The following LRRC37A2 variants were observed in gnomAD, a reference collection of about 807,000 sequenced individuals.
The protein encoded by LRRC37A2 is leucine rich repeat containing 37 member A2.
Under a neutral mutation model 68.8 loss-of-function variants are expected in LRRC37A2, and 9 were observed. The ratio of observed to expected loss-of-function variants is 0.13; its 90% CI spans 0.08 to 0.23. The LOEUF (loss-of-function observed/expected upper bound fraction) is 0.23, where lower values mean the gene tolerates loss of function less well. Among genes scored for constraint, LRRC37A2 ranks in the 10% least tolerant of loss-of-function variants. The probability of loss-of-function intolerance (pLI) is 1.00; values close to 1 mark genes in which losing one functional copy is unlikely to be tolerated. For synonymous variants in LRRC37A2, 63 were observed against 367.6 expected (o/e 0.17, Z 9.48); for missense variants, 168 against 950.4 (o/e 0.18, Z 10.82).
the LRRC37A2 span, among the ~76,000 whole-genome samples, chr17:46,764,944 C>T: frequency 2.6e-5 from 4 of 152,338 alleles, no homozygotes; most frequent in East Asian, 3.9e-4. Context: ...GGTGCCTGGC[C>T]GAGGGCCCAG....
At chr17:46,925,832 A>C in the LRRC37A2 span, among the ~76,000 whole-genome samples, 1 of 152,206 alleles carries the variant, frequency 6.6e-6, no homozygotes, top group Non-Finnish European at 1.5e-5. Context: ...TCCTGAACCT[A>C]CCTGAACAAT....
At chr17:46,872,909 C>T in the LRRC37A2 span, 1 of 1,108,248 alleles carries the variant, frequency 9.0e-7, no homozygotes, top group Non-Finnish European at 1.2e-6. Context: ...CTAGCACGGT[C>T]CCAAATGAGA....
the LRRC37A2 span, among the ~76,000 whole-genome samples, chr17:46,990,790 C>A: frequency 1.3e-5 from 2 of 152,096 alleles, no homozygotes; most frequent in Non-Finnish European, 1.5e-5. Context: ...CATGCCTCAG[C>A]CTCCCAAGAA....
the LRRC37A2 span, among the ~76,000 whole-genome samples, chr17:46,743,035 C>T: frequency 5.3e-5 from 8 of 152,198 alleles, no homozygotes; most frequent in East Asian, 1.9e-4. Flanking sequence ...TGAGGCCCCA[C>T]GCTGCCATGA....
chr17:46,820,678 C>T, the LRRC37A2 span, among the ~76,000 whole-genome samples: 1 of 152,142 alleles, frequency 6.6e-6, no homozygotes, highest in African/African-American at 2.4e-5. Flanking sequence ...AGCCTCAGGA[C>T]CAAGGCTCTG....
chr17:46,895,688 C>G, the LRRC37A2 span, among the ~76,000 whole-genome samples: 8 of 152,368 alleles, frequency 5.3e-5, no homozygotes, highest in Non-Finnish European at 1.2e-4. Context: ...CCAGTCCTCA[C>G]AGCAACGTTG....
the LRRC37A2 span, chr17:46,938,639 G>A: frequency 6.2e-7 from 1 of 1,614,006 alleles, no homozygotes; most frequent in Non-Finnish European, 8.5e-7. Flanking sequence ...AACATGCTGG[G>A]CTTGTCCAAC....
chr17:46,764,833 C>G, the LRRC37A2 span, among the ~76,000 whole-genome samples: 3 of 152,152 alleles, frequency 2.0e-5, no homozygotes, highest in Non-Finnish European at 2.9e-5. Flanking sequence ...GTAAGGCTTT[C>G]GAGTCCACAG....
At chr17:46,841,518 G>A in the LRRC37A2 span, among the ~76,000 whole-genome samples, 4 of 152,248 alleles carry the variant, frequency 2.6e-5, no homozygotes, top group Non-Finnish European at 5.9e-5. Flanking sequence ...GTGCCAACAG[G>A]CCAACTAAGC....
chr17:46,832,537 G>A, the LRRC37A2 span, among the ~76,000 whole-genome samples: 14 of 151,826 alleles, frequency 9.2e-5, no homozygotes. Flanking sequence ...CCGAGAGAAA[G>A]CCCGGGCCAT....
In LRRC37A2 at chr17:46,537,097, T is replaced by TGC. The variant is rs1567961854; in HGVS notation, c.2907-3079_2907-3078insGC. Among the ~76,000 whole-genome samples, 18 of 75,716 alleles carry TGC rather than the reference T, an allele frequency of 2.4e-4. 1 individual carries two copies. Among genetic ancestry groups the TGC allele is most frequent in the African/African-American group, 1.2e-3 (18 of 14,786 alleles). 49.7% of individuals were successfully genotyped at this position (75,716 alleles called of 152,430 possible). ...GGTCAATTTTTTTTTTTTTTTTTTT[T>TGC]TTTTTTTTTGCTATTTTTTTTGGTA... On this transcript the variant is annotated intron_variant, in intron 6 of 14. Transcript: ENST00000576629.
the LRRC37A2 span, among the ~76,000 whole-genome samples, chr17:46,569,138 G>A: frequency 1.3e-5 from 2 of 151,176 alleles, no homozygotes; most frequent in African/African-American, 4.9e-5. Context: ...AGTAGAGACA[G>A]GGTTTCACCA....
chr17:46,886,724 G>A, the LRRC37A2 span: 1 of 152,204 alleles, frequency 6.6e-6, no homozygotes, highest in Admixed American at 6.5e-5. Flanking sequence ...AGCCTATTAA[G>A]ATCTTTAAAC....
chr17:46,895,589 TA>T, the LRRC37A2 span, among the ~76,000 whole-genome samples: 1 of 152,216 alleles, frequency 6.6e-6, no homozygotes, highest in Non-Finnish European at 1.5e-5. Flanking sequence ...GGCCTCTAGA[TA>T]ATTGCTGTTA....
chr17:47,016,246 C>G, the LRRC37A2 span, among the ~76,000 whole-genome samples: 1 of 151,744 alleles, frequency 6.6e-6, no homozygotes, highest in Non-Finnish European at 1.5e-5. Flanking sequence ...ACCCGGCCCC[C>G]CTTCAATTTT....
chr17:46,975,691 A>G, the LRRC37A2 span, among the ~76,000 whole-genome samples: 2 of 151,862 alleles, frequency 1.3e-5, no homozygotes, highest in Non-Finnish European at 2.9e-5. Flanking sequence ...GTGAGCATAC[A>G]CTCACACCAT....
the LRRC37A2 span, among the ~76,000 whole-genome samples, chr17:46,927,486 C>T: frequency 6.6e-6 from 1 of 152,092 alleles, no homozygotes; most frequent in African/African-American, 2.4e-5. Flanking sequence ...CATTTATGCA[C>T]ACCTGTATTT....
At chr17:46,854,276 A>C in the LRRC37A2 span, among the ~76,000 whole-genome samples, 10 of 152,224 alleles carry the variant, frequency 6.6e-5, 1 homozygote, top group African/African-American at 1.7e-4. Context: ...GGAATCTGGT[A>C]TCAGTCATCT....
At chr17:46,924,680 A>C in the LRRC37A2 span, among the ~76,000 whole-genome samples, 2 of 152,216 alleles carry the variant, frequency 1.3e-5, no homozygotes, top group Non-Finnish European at 2.9e-5. Context: ...GAAAATACAG[A>C]ACCTACTTTG....
Sources: allele counts gnomAD v4.1 joint callset (sites outside exome capture counted in the v4.1 genomes callset), GRCh38; gene constraint gnomAD v4.1.1; transcripts MANE v1.5; gene names NCBI Gene and HGNC (gene_info 2026-07-23, HGNC 2026-07-21).